The following ATF1 variants were observed in gnomAD, a reference collection of about 807,000 sequenced individuals.
ATF1 encodes cyclic AMP-dependent transcription factor ATF-1.
A neutral mutation model predicts 34.7 loss-of-function variants in ATF1; 16 were observed. That is an observed-to-expected ratio of 0.46 (90% CI 0.31 to 0.70). ATF1 has a LOEUF of 0.70. ATF1 is among the 30% of genes least tolerant of loss of function. The pLI, the probability that ATF1 is intolerant of heterozygous loss-of-function variation, is 0.05. For synonymous variants in ATF1, 105 were observed against 113.1 expected (o/e 0.93, Z 0.46); for missense variants, 255 against 321.6 (o/e 0.79, Z 1.58).
intron 3 of ATF1, among the ~76,000 whole-genome samples, chr12:50,805,321 C>T (rs1284716853): frequency 6.6e-6 from 1 of 151,610 alleles, no homozygotes; most frequent in Non-Finnish European, 1.5e-5. Flanking sequence ...TGTGGGAGGC[C>T]GAGGTGGCCA....
chr12:50,808,515 G>T (rs1478069961), intron 3 of ATF1, among the ~76,000 whole-genome samples: 1 of 151,680 alleles, frequency 6.6e-6, no homozygotes, highest in South Asian at 2.1e-4. Flanking sequence ...TTTTAGCAGG[G>T]ATTGGGTATC....
chr12:50,780,292 G>C lies in ATF1; in HGVS notation c.93+54G>C, dbSNP rs375740066. 1.1e-5 allele frequency: 15 copies of C among 1,408,756 alleles called. No individual in the cohort carries two copies. In the East Asian group the frequency reaches 1.6e-4, roughly 15 times the overall value. 87.3% of individuals were successfully genotyped at this position (1,408,756 alleles called of 1,614,324 possible). A position where few individuals can be genotyped will look rare whatever the true frequency, so the allele number is the denominator to read the frequency against. On this transcript the variant is annotated intron_variant, in intron 2 of 6. Coordinates refer to ENST00000262053, the MANE Select transcript of ATF1 (RefSeq NM_005171.5). ...GCTTGTTAGGAATATTTTATATGCAGATTAATCTCGTTTCAGACTGATTAT... is the reference window on the plus strand; with the variant it reads ...GCTTGTTAGGAATATTTTATATGCACATTAATCTCGTTTCAGACTGATTAT...
chr12:50,788,861 A>C (rs1366193548), intron 2 of ATF1, among the ~76,000 whole-genome samples: 1 of 151,976 alleles, frequency 6.6e-6, no homozygotes. Context: ...GTATAACTAC[A>C]TTTTTTGCAT....
intron 2 of ATF1, among the ~76,000 whole-genome samples, chr12:50,793,653 T>G (rs1395989009): frequency 6.6e-6 from 1 of 150,386 alleles, no homozygotes; most frequent in Non-Finnish European, 1.5e-5. Flanking sequence ...AAAAAAAAAT[T>G]TATGATGCTT....
chr12:50,814,491 C>T (rs1941802435), intron 6 of ATF1, 52 bp downstream of exon 6: 1 of 1,550,342 alleles, frequency 6.5e-7, no homozygotes, highest in Admixed American at 1.7e-5. Context: ...ACAAATCTCA[C>T]AACATAACCA....
intron 3 of ATF1, among the ~76,000 whole-genome samples, chr12:50,801,096 A>G (rs565955001): frequency 7.9e-5 from 12 of 152,352 alleles, no homozygotes; most frequent in Admixed American, 2.0e-4. Context: ...CTCTGTTTCA[A>G]TCAATCCATC....
At chr12:50,775,919 G>C (rs1489111373) in intron 1 of ATF1, among the ~76,000 whole-genome samples, 2 of 151,770 alleles carry the variant, frequency 1.3e-5, no homozygotes, top group East Asian at 3.9e-4. Context: ...GAATTGGCCA[G>C]TGTGGCTGAT....
intron 6 of ATF1, 140 bp downstream of exon 6, chr12:50,814,579 C>T (rs1042396847): frequency 1.5e-5 from 14 of 962,242 alleles, no homozygotes; most frequent in South Asian, 6.9e-5. Context: ...AAATGAATGA[C>T]GGTGGTCCCA....
At chr12:50,785,856 T>A (rs549460477) in intron 2 of ATF1, among the ~76,000 whole-genome samples, 6 of 152,130 alleles carry the variant, frequency 3.9e-5, no homozygotes, top group Admixed American at 2.6e-4. Context: ...AGCAGGAGAG[T>A]GAGAGCAAGT....
chr12:50,776,980 G>A (rs1940941387), intron 1 of ATF1, among the ~76,000 whole-genome samples: 1 of 152,090 alleles, frequency 6.6e-6, no homozygotes, highest in Non-Finnish European at 1.5e-5. Flanking sequence ...CTCCTGCTGA[G>A]TAGCTGGGAT....
intron 2 of ATF1, among the ~76,000 whole-genome samples, chr12:50,785,611 G>A (rs895447390): frequency 3.3e-5 from 5 of 152,144 alleles, no homozygotes; most frequent in Non-Finnish European, 7.3e-5. Context: ...CTGCAACTGA[G>A]GCATTGGCTA....
intron 4 of ATF1, among the ~76,000 whole-genome samples, chr12:50,810,079 C>T (rs1941703178): frequency 6.6e-6 from 1 of 151,974 alleles, no homozygotes; most frequent in Non-Finnish European, 1.5e-5. Context: ...GTGATCCGTC[C>T]ACCTTGGCCT....
chr12:50,814,692 A>C (rs4026593), intron 6 of ATF1, among the ~76,000 whole-genome samples: 1 of 152,086 alleles, frequency 6.6e-6, no homozygotes. Context: ...TGTGCTGCCA[A>C]TCATATAAAA....
chr12:50,775,288 T>G (rs1940889812), intron 1 of ATF1, among the ~76,000 whole-genome samples: 1 of 152,122 alleles, frequency 6.6e-6, no homozygotes, highest in African/African-American at 2.4e-5. Context: ...AAAATGTTAC[T>G]TGCTGATTAT....
In ATF1 at chr12:50,810,957, C is replaced by CTT. The variant is rs143821054; in HGVS notation, c.328+1369_328+1370dup. Among the ~76,000 whole-genome samples the CTT allele has an allele frequency of 6.2e-3, 944 of 152,230 alleles. 9 individuals carry two copies. The highest frequency in any genetic ancestry group is 0.022 in the African/African-American group (911 of 41,524). ...AATCCTCTAGTGACATTTTATCACACTTAGAATAAAATCCGGATCTTACAA... is the reference window on the plus strand; with the variant it reads ...AATCCTCTAGTGACATTTTATCACACTTTTAGAATAAAATCCGGATCTTACAA... On this transcript the variant is annotated intron_variant, in intron 4 of 6. Coordinates refer to ENST00000262053, the MANE Select transcript of ATF1 (RefSeq NM_005171.5).
intron 2 of ATF1, among the ~76,000 whole-genome samples, chr12:50,784,054 T>A (rs1941130680): frequency 6.6e-6 from 1 of 150,828 alleles, no homozygotes; most frequent in Non-Finnish European, 1.5e-5. Flanking sequence ...TCCCAACTAC[T>A]CAGGAGGCAG....
At chr12:50,764,009 G>C (rs1278804990), upstream of ATF1, 1 of 152,458 alleles carries the variant, frequency 6.6e-6, no homozygotes, top group Non-Finnish European at 1.5e-5. Flanking sequence ...CAGCGCCATA[G>C]CCTACCCCAA....
At chr12:50,766,308 G>A (rs1440154757) in intron 1 of ATF1, among the ~76,000 whole-genome samples, 1 of 152,100 alleles carries the variant, frequency 6.6e-6, no homozygotes, top group Non-Finnish European at 1.5e-5. Context: ...TTGGGTTGGA[G>A]GCCCTTCTAA....
At chr12:50,767,582 G>A (rs943036708) in intron 1 of ATF1, among the ~76,000 whole-genome samples, 29 of 152,170 alleles carry the variant, frequency 1.9e-4, no homozygotes, top group African/African-American at 6.8e-4. Flanking sequence ...CCAGCAAGCT[G>A]GTCAGTAAGA....
Sources: gnomAD v4.1 joint callset for allele counts (sites outside exome capture counted in the v4.1 genomes callset) on GRCh38, gnomAD v4.1.1 for gene constraint, MANE v1.5 for transcripts, NCBI Gene and HGNC (gene_info 2026-07-23, HGNC 2026-07-21) for gene names.